Variants in CACNA2D4 observed in about 807,000 individuals in gnomAD.
The protein encoded by CACNA2D4 is voltage-dependent calcium channel subunit alpha-2/delta-4.
In CACNA2D4, 157 loss-of-function variants were observed where a neutral mutation model predicts 163.8. The ratio of observed to expected loss-of-function variants is 0.96; its 90% CI spans 0.84 to 1.09. The LOEUF (loss-of-function observed/expected upper bound fraction) is 1.09. Among genes scored for constraint, CACNA2D4 ranks in the 50% least tolerant of loss-of-function variants. The probability of loss-of-function intolerance (pLI) is 0.00; values close to 1 mark genes in which losing one functional copy is unlikely to be tolerated. For missense variants in CACNA2D4, 1,410 were observed against 1,479.9 expected (o/e 0.95, Z 0.78); for synonymous variants, 598 against 586.9 (o/e 1.02, Z -0.27).
At chr12:1,838,025 G>T (rs1207217959) in intron 26 of CACNA2D4, among the ~76,000 whole-genome samples, 1 of 152,214 alleles carries the variant, frequency 6.6e-6, no homozygotes, top group African/African-American at 2.4e-5. Flanking sequence ...CTGGAAGAAT[G>T]CCCGTCTGCT....
At position 1,834,917 on chromosome 12, in the gene CACNA2D4, C is replaced by T. The variant is rs1864791460; in HGVS notation, c.2551+5822G>A. 1 of 978,458 alleles carries T rather than the reference C, an allele frequency of 1.0e-6. No individual in the cohort carries two copies. Among genetic ancestry groups the T allele is most frequent in the South Asian group, 1.8e-5 (1 of 54,728 alleles). The allele number at this position is 978,458 out of a possible 1,614,324, so 60.6% of individuals were successfully genotyped here. ...CCTGAAAGCCACCGTGCTGGGGGCT[C>T]CTGCTGATGCTCCTGTCTGGGCCAG... On this transcript the variant is annotated intron_variant, in intron 26 of 37. Coordinates refer to ENST00000382722, the MANE Select transcript of CACNA2D4 (RefSeq NM_172364.5). The surrounding 1 kb of genome is among the most constrained non-coding windows in gnomAD (Gnocchi z 7.6).
rs1009852414 is a variant in CACNA2D4 at position 1,885,864 on chromosome 12, G to C, written c.1068+101C>G. 21 of 842,476 alleles carry C rather than the reference G, an allele frequency of 2.5e-5. No homozygotes were observed. In the African/African-American group the frequency reaches 3.6e-4, roughly 14 times the overall value. 52.2% of individuals were successfully genotyped at this position (842,476 alleles called of 1,614,324 possible). A position where few individuals can be genotyped will look rare whatever the true frequency, so the allele number is the denominator to read the frequency against. On this transcript the variant is annotated intron_variant, in intron 9 of 37. Transcript: ENST00000382722. ...TCTGCTCTCATTCCAGGTGCCATGG[G>C]AATAAGCAAAAAGGGCCACAGAAAC...
At chr12:1,911,780 G>A (rs955287991) in intron 3 of CACNA2D4, among the ~76,000 whole-genome samples, 1 of 152,298 alleles carries the variant, frequency 6.6e-6, no homozygotes, top group East Asian at 1.9e-4. Context: ...AAGGACCGAC[G>A]CCTGAAGTCA....
At chr12:1,872,112 C>G (rs576222973) in intron 18 of CACNA2D4, among the ~76,000 whole-genome samples, 23 of 152,260 alleles carry the variant, frequency 1.5e-4, no homozygotes, top group African/African-American at 4.1e-4. Context: ...GGGCTTCTTA[C>G]GAGTTTAACA....
intron 22 of CACNA2D4, 49 bp from the exon 23 acceptor site, chr12:1,854,093 A>C: frequency 4.3e-5 from 60 of 1,380,376 alleles, no homozygotes; most frequent in Non-Finnish European, 5.7e-5. Flanking sequence ...CTCCATGCTC[A>C]TGAACACAAC....
At chr12:1,817,380 C>T (rs903127406) in intron 26 of CACNA2D4, among the ~76,000 whole-genome samples, 3 of 152,122 alleles carry the variant, frequency 2.0e-5, no homozygotes, top group Non-Finnish European at 2.9e-5. Flanking sequence ...TCAGTTGACA[C>T]GAAGGCACTG....
rs1446549662 is a variant in CACNA2D4, at chr12:1,795,352, G to A, written c.3256C>T (p.Arg1086Cys). The A allele has an allele frequency of 5.6e-6, 9 of 1,612,104 alleles. No homozygotes were observed. The highest frequency in any genetic ancestry group is 5.5e-5 in the South Asian group (5 of 90,978). ...YNASVKCDRM[R>C]SQKLRRRPDS... ...GGTCGCCGGCGGAGCTTCTGGGAGCGCATCCGGTCACATTTGACAGAGGCA... is the reference window on the plus strand; with the variant it reads ...GGTCGCCGGCGGAGCTTCTGGGAGCACATCCGGTCACATTTGACAGAGGCA... Residue 1086 changes from arginine (R) to cysteine (C), a missense_variant, in exon 37 of 38, where the codon CGC becomes TGC. Arg to Cys is a radical substitution (Grantham distance 180). Coordinates refer to ENST00000382722, the MANE Select transcript of CACNA2D4 (RefSeq NM_172364.5).
At chr12:1,800,112 G>A in intron 32 of CACNA2D4, 60 bp from the exon 33 acceptor site, 3 of 1,513,230 alleles carry the variant, frequency 2.0e-6, no homozygotes, top group African/African-American at 2.8e-5. Context: ...GGGTTCCCAA[G>A]GAGCTGGAGT....
chr12:1,879,766 TA>T, intron 14 of CACNA2D4, 37 bp downstream of exon 14: 1 of 1,518,380 alleles, frequency 6.6e-7, no homozygotes, highest in Non-Finnish European at 9.0e-7. Context: ...CCCCAGGTTC[TA>T]ATCCCTGCTA....
rs567431368 is a variant in CACNA2D4 at position 1,798,795 on chromosome 12, G to C, written c.2995+880C>G. Among the ~76,000 whole-genome samples the C allele has an allele frequency of 6.6e-6, 1 of 152,274 alleles. No individual in the cohort carries two copies. Among genetic ancestry groups the C allele is most frequent in the Admixed American group, 6.5e-5 (1 of 15,310 alleles). On this transcript the variant is annotated intron_variant, in intron 34 of 37. Coordinates refer to ENST00000382722, the MANE Select transcript of CACNA2D4 (RefSeq NM_172364.5). This position sits in a 1 kb window ranked among gnomAD's most constrained non-coding sequence, Gnocchi z 4.3. ...TTTGCAAGATGCAGCTGCTGACAGA[G>C]ACAGAGGGGACAGTGTCCTGTCACT...
chr12:1,827,892 C>T (rs186164816), intron 26 of CACNA2D4: 436 of 398,560 alleles, frequency 1.1e-3, no homozygotes, highest in Non-Finnish European at 1.5e-3. Flanking sequence ...AAGCCTGCCC[C>T]GCCCCCATCC....
chr12:1,808,719 C>T (rs1863618461), intron 29 of CACNA2D4, among the ~76,000 whole-genome samples: 1 of 152,210 alleles, frequency 6.6e-6, no homozygotes, highest in Non-Finnish European at 1.5e-5. Flanking sequence ...GGCCTGGGGA[C>T]ACGGTCAGTC....
intron 34 of CACNA2D4, 166 bp from the exon 35 acceptor site, chr12:1,797,701 A>G: frequency 2.0e-5 from 11 of 549,960 alleles, no homozygotes; most frequent in Admixed American, 2.6e-5. Flanking sequence ...GGGTGAGGGG[A>G]GGGAAGACAC....
At chr12:1,810,715 C>T (rs1207546088) in intron 27 of CACNA2D4, 128 bp from the exon 28 acceptor site, 1 of 928,108 alleles carries the variant, frequency 1.1e-6, no homozygotes, top group Non-Finnish European at 1.7e-6. Flanking sequence ...TGTGTATCTG[C>T]ACATGGAGGG....
At chr12:1,800,887 G>A (rs1272047001) in intron 31 of CACNA2D4, 156 bp downstream of exon 31, 1 of 666,230 alleles carries the variant, frequency 1.5e-6, no homozygotes, top group Non-Finnish European at 2.6e-6. Flanking sequence ...GTGGGACTGA[G>A]AGCAGTGGCT....
Sources: allele counts gnomAD v4.1 joint callset (sites outside exome capture counted in the v4.1 genomes callset), GRCh38; gene constraint gnomAD v4.1.1; non-coding constraint Gnocchi (gnomAD v3.1); transcripts MANE v1.5; gene names NCBI Gene and HGNC (gene_info 2026-07-23, HGNC 2026-07-21).